Variants in CRPPA observed in about 807,000 individuals in gnomAD.
CRPPA encodes CDP-L-ribitol pyrophosphorylase A.
In CRPPA, 43 loss-of-function variants were observed where a neutral mutation model predicts 52.0. That is an observed-to-expected ratio of 0.83 (90% CI 0.65 to 1.07). The LOEUF (loss-of-function observed/expected upper bound fraction) is 1.07. Ranked by LOEUF, CRPPA falls within the 50% of genes least tolerant of loss-of-function variation. The pLI, the probability that CRPPA is intolerant of heterozygous loss-of-function variation, is 0.00. For missense variants in CRPPA, 629 were observed against 551.7 expected (o/e 1.14, Z -1.40); for synonymous variants, 250 against 203.5 (o/e 1.23, Z -1.94).
chr7:16,385,521 G>C (rs1300594703), intron 2 of CRPPA, among the ~76,000 whole-genome samples: 6 of 152,118 alleles, frequency 3.9e-5, no homozygotes, highest in Non-Finnish European at 8.8e-5. Flanking sequence ...CTCATATCCA[G>C]CAAAACCAGT....
At chr7:16,177,820 A>T (rs10225387) in intron 9 of CRPPA, among the ~76,000 whole-genome samples, 3 of 152,052 alleles carry the variant, frequency 2.0e-5, no homozygotes, top group African/African-American at 7.2e-5. Flanking sequence ...TATAAAACCA[A>T]CTATCTTCTT....
chr7:16,381,305 G>A (rs1313659433), intron 2 of CRPPA, among the ~76,000 whole-genome samples: 1 of 150,132 alleles, frequency 6.7e-6, no homozygotes. Context: ...GTGGTTTTGA[G>A]TGAGTTTCTT....
chr7:16,351,871 T>C (rs932283948), intron 3 of CRPPA, among the ~76,000 whole-genome samples: 3 of 152,168 alleles, frequency 2.0e-5, no homozygotes, highest in Non-Finnish European at 2.9e-5. Context: ...CTCAAGAATC[T>C]AGAACCAGAA....
chr7:16,250,127 T>A (rs889420844), intron 8 of CRPPA, among the ~76,000 whole-genome samples: 3 of 152,160 alleles, frequency 2.0e-5, no homozygotes, highest in African/African-American at 7.2e-5. Flanking sequence ...GAAGAAAGTA[T>A]ATCAGTGATT....
intron 8 of CRPPA, among the ~76,000 whole-genome samples, chr7:16,232,357 G>A (rs952395074): frequency 3.9e-5 from 6 of 152,142 alleles, no homozygotes; most frequent in Non-Finnish European, 5.9e-5. Context: ...TTTATCATGG[G>A]AATGGATTAG....
intron 4 of CRPPA, among the ~76,000 whole-genome samples, chr7:16,305,012 G>A (rs1312155271): frequency 6.6e-6 from 1 of 151,958 alleles, no homozygotes; most frequent in Non-Finnish European, 1.5e-5. Flanking sequence ...TTTTTAAAAG[G>A]CAGCATCTTT....
rs1413052318 is a variant in CRPPA at position 16,301,450 on chromosome 7, T to C, written c.806A>G (p.Asp269Gly). ...AATAATCGATTCAGCCGCATAGAGA[T>C]CTCGTTTGTAGGTCACCTAAAGGAC... Reference protein sequence around the residue: ...PDLWKVTYKRDLYAAESIIKE... With the variant: ...PDLWKVTYKRGLYAAESIIKE... The change falls in exon 5 of 10, where the codon GAT becomes GGT. Residue 269 changes from aspartate (D) to glycine (G), a missense_variant. Transcript: ENST00000407010. The C allele has an allele frequency of 6.2e-7, 1 of 1,612,642 alleles. No individual in the cohort carries two copies. Among genetic ancestry groups the C allele is most frequent in the Non-Finnish European group, 8.5e-7 (1 of 1,179,136 alleles).
chr7:16,381,538 G>A (rs1287008445), intron 2 of CRPPA, among the ~76,000 whole-genome samples: 3 of 151,876 alleles, frequency 2.0e-5, no homozygotes, highest in East Asian at 1.9e-4. Flanking sequence ...TCAATTCCTG[G>A]GTATCCTTGT....
chr7:16,119,646 G>A (rs975267602), intron 9 of CRPPA, among the ~76,000 whole-genome samples: 20 of 152,158 alleles, frequency 1.3e-4, no homozygotes, highest in African/African-American at 4.6e-4. Flanking sequence ...AAAAGGATAT[G>A]CCAGACCAGG....
intron 9 of CRPPA, among the ~76,000 whole-genome samples, chr7:16,156,079 C>G (rs957176753): frequency 3.6e-5 from 5 of 140,598 alleles, no homozygotes; most frequent in African/African-American, 1.3e-4. Context: ...ACAAATGCAG[C>G]TAAACCCTGT....
chr7:16,418,421 G>T (rs999382990), intron 1 of CRPPA, among the ~76,000 whole-genome samples: 15 of 152,254 alleles, frequency 9.9e-5, no homozygotes, highest in South Asian at 2.1e-4. Flanking sequence ...CTTTAAAAGT[G>T]AGTGTATTAG....
chr7:16,326,392 C>A (rs1388918736), intron 3 of CRPPA, among the ~76,000 whole-genome samples: 1 of 152,126 alleles, frequency 6.6e-6, no homozygotes, highest in Non-Finnish European at 1.5e-5. Flanking sequence ...GAGGAAATCC[C>A]TCTTAAAGTA....
chr7:16,350,082 G>C (rs896982703), intron 3 of CRPPA, among the ~76,000 whole-genome samples: 1 of 150,880 alleles, frequency 6.6e-6, no homozygotes, highest in Non-Finnish European at 1.5e-5. Context: ...TTTCAGGACA[G>C]GAGGGAATTA....
At chr7:16,251,611 C>G (rs575580269) in intron 8 of CRPPA, among the ~76,000 whole-genome samples, 2 of 152,258 alleles carry the variant, frequency 1.3e-5, no homozygotes, top group Admixed American at 1.3e-4. Flanking sequence ...ACTGAACAAC[C>G]TACTCCTGAA....
chr7:16,391,315 C>T (rs1787438477), intron 2 of CRPPA, among the ~76,000 whole-genome samples: 1 of 152,068 alleles, frequency 6.6e-6, no homozygotes, highest in Non-Finnish European at 1.5e-5. Flanking sequence ...ATCAGTAATC[C>T]AGTCCCTGTC....
intron 8 of CRPPA, among the ~76,000 whole-genome samples, chr7:16,218,565 C>A: frequency 1.8e-5 from 1 of 55,232 alleles, no homozygotes; most frequent in African/African-American, 7.5e-5. Context: ...TGCAGAGACA[C>A]ACATAGGCTC....
chr7:16,236,181 C>G (rs1414377403), intron 8 of CRPPA, among the ~76,000 whole-genome samples: 1 of 152,072 alleles, frequency 6.6e-6, no homozygotes, highest in Non-Finnish European at 1.5e-5. Flanking sequence ...TCTATAAATA[C>G]ATTAACTAAG....
At chr7:16,117,115 T>G (rs1424093761) in intron 9 of CRPPA, among the ~76,000 whole-genome samples, 3 of 152,256 alleles carry the variant, frequency 2.0e-5, no homozygotes, top group Admixed American at 6.5e-5. Flanking sequence ...CTTAAAAAGA[T>G]GTCAACTTGG....
intron 9 of CRPPA, among the ~76,000 whole-genome samples, chr7:16,117,572 C>A (rs73071843): frequency 0.33 from 49,719 of 151,816 alleles, 9,498 homozygotes; most frequent in South Asian, 0.55. Context: ...ACACACCTTG[C>A]GGGAGCTACG....
Sources: gnomAD v4.1 joint callset for allele counts (sites outside exome capture counted in the v4.1 genomes callset) on GRCh38, gnomAD v4.1.1 for gene constraint, MANE v1.5 for transcripts, NCBI Gene and HGNC (gene_info 2026-07-23, HGNC 2026-07-21) for gene names.